ACTN3: variants seen among roughly 807,000 people sequenced by gnomAD.
The protein encoded by ACTN3 is alpha-actinin-3.
A neutral mutation model predicts 119.6 loss-of-function variants in ACTN3; 91 were observed. That is an observed-to-expected ratio of 0.76 (90% CI 0.64 to 0.91). ACTN3 has a LOEUF of 0.91. Ranked by LOEUF, ACTN3 falls within the 40% of genes least tolerant of loss-of-function variation. The pLI, the probability that ACTN3 is intolerant of heterozygous loss-of-function variation, is 0.00. For synonymous variants in ACTN3, 456 were observed against 478.8 expected, an observed-to-expected ratio of 0.95 and a Z score of 0.62; for missense variants, 1,221 against 1,215.1, an observed-to-expected ratio of 1.00 and a Z score of -0.07.
Position 66,546,906 on chromosome 11 carries a change from C to T in ACTN3, c.-32C>T. The T allele has an allele frequency of 2.0e-6, 3 of 1,525,494 alleles. No individual in the cohort carries two copies. Among genetic ancestry groups the T allele is most frequent in the African/African-American group, 1.4e-5 (1 of 72,280 alleles). 94.5% of individuals were successfully genotyped at this position (1,525,494 alleles called of 1,614,324 possible). A position where few individuals can be genotyped will look rare whatever the true frequency, so the allele number is the denominator to read the frequency against. ...TGGGGCCCGGGTGTCCGAGAGCGTGCCGAGCGGAGCGAAGCCAGGAGCCCG... is the reference window on the plus strand; with the variant it reads ...TGGGGCCCGGGTGTCCGAGAGCGTGTCGAGCGGAGCGAAGCCAGGAGCCCG... On this transcript the variant is annotated 5_prime_UTR_variant, in exon 1 of 21. Transcript: ENST00000513398.
intron 3 of ACTN3, 116 bp downstream of exon 3, chr11:66,551,763 C>T (rs576005070): frequency 4.2e-6 from 6 of 1,445,164 alleles, no homozygotes; most frequent in East Asian, 5.0e-5. Flanking sequence ...ATCCCTGCCT[C>T]GCAAGAGAGC....
At position 66,561,239 on chromosome 11, in the gene ACTN3, G is replaced by A. The variant is rs111569964; in HGVS notation, c.1873G>A (p.Val625Met). The change falls in exon 16 of 21, where the codon GTG (valine) becomes ATG (methionine). Residue 625 changes from valine to methionine, a missense_variant. Physicochemically the swap from Val to Met is conservative, Grantham distance 21. Transcript: ENST00000513398. ...NTKWDMVRKL[V>M]PSCDQTLQEE... is the part of the protein sequence containing the mutation. ...GCCCTCCTCCCAGGTCCGAAAGCTG[G>A]TGCCCAGCTGTGACCAGACACTGCA... is the stretch of plus-strand genomic sequence containing the variant. 3 of 1,576,318 alleles carry A rather than the reference G, an allele frequency of 1.9e-6. No individual in the cohort carries two copies. The highest frequency in any genetic ancestry group is 3.7e-5 in the Admixed American group (2 of 54,352).
At chr11:66,548,190 C>G (rs544021) in intron 1 of ACTN3, among the ~76,000 whole-genome samples, 70,821 of 151,922 alleles carry the variant, frequency 0.47, 17,209 homozygotes, top group African/African-American at 0.59. Flanking sequence ...CCCCAAGGGC[C>G]GAGAGGCTCC....
At position 66,562,291 on chromosome 11, in the gene ACTN3, G is replaced by A. The variant is rs114618009; in HGVS notation, c.2357G>A (p.Arg786Gln). 1,981 of 1,613,374 alleles carry A rather than the reference G, an allele frequency of 1.2e-3. 24 individuals carry two copies. In the African/African-American group the frequency reaches 0.023, roughly 19 times the overall value. The stretch of plus-strand genomic sequence containing the variant: ...GGGATGATGGAGCCTGATGACTTCC[G>A]AGCTTGCCTCATCTCCATGGGCTAT... The part of the protein sequence containing the change: ...QNGMMEPDDF[R>Q]ACLISMGYDL... Residue 786 changes from arginine to glutamine, a missense_variant, in exon 19 of 21, where the codon CGA becomes CAA. Physicochemically the swap from Arg to Gln is conservative, Grantham distance 43. Coordinates refer to ENST00000513398, the MANE Select transcript of ACTN3 (RefSeq NM_001104.4).
chr11:66,558,441 C>T (rs1450912308), intron 11 of ACTN3, among the ~76,000 whole-genome samples: 1 of 152,164 alleles, frequency 6.6e-6, no homozygotes, highest in African/African-American at 2.4e-5. Context: ...AATCTCGGCT[C>T]ACTACAATCT....
intron 7 of ACTN3, 40 bp from the exon 8 acceptor site, chr11:66,556,105 C>T (rs1565305970): frequency 6.4e-7 from 1 of 1,571,440 alleles, no homozygotes; most frequent in East Asian, 2.3e-5. Context: ...GGGAGGGACC[C>T]CTGGCTTTGG....
rs758304800 is a variant in ACTN3, at chr11:66,551,318, G to A, written c.227G>A (p.Gly76Asp). The change falls in exon 2 of 21, where the codon GGC becomes GAC. Residue 76 changes from glycine to aspartate, a missense_variant. By Grantham distance (94) the Gly-to-Asp change is moderately conservative. Around this residue, in one of 3 missense-constraint regions of ACTN3, gnomAD observed 239 missense variants for 231.8 expected, o/e 1.03. Coordinates refer to ENST00000513398, the MANE Select transcript of ACTN3 (RefSeq NM_001104.4). Reference sequence around the variant, plus strand: ...AACATCGAGGAAGATTTCCGCAATGGCCTCAAACTCATGCTGCTCCTGGAG... The same window carrying A: ...AACATCGAGGAAGATTTCCGCAATGACCTCAAACTCATGCTGCTCCTGGAG... ...IENIEEDFRN[G>D]LKLMLLLEVI... 6.2e-7 allele frequency: 1 copy of A among 1,611,084 alleles called. No individual in the cohort carries two copies. The highest frequency in any genetic ancestry group is 8.5e-7 in the Non-Finnish European group (1 of 1,178,654).
At chr11:66,551,175 C>A in intron 1 of ACTN3, 64 bp from the exon 2 acceptor site, 1 of 1,199,812 alleles carries the variant, frequency 8.3e-7, no homozygotes, top group Non-Finnish European at 1.2e-6. Context: ...ACTGAGGAGA[C>A]AGGACTGTGC....
At chr11:66,552,502 A>C (rs2134921662) in intron 3 of ACTN3, among the ~76,000 whole-genome samples, 1 of 152,350 alleles carries the variant, frequency 6.6e-6, no homozygotes, top group South Asian at 2.1e-4. Context: ...GCTACTTGGC[A>C]GACTGAAGCG....
Position 66,560,738 on chromosome 11 carries a change from A to C in ACTN3, c.1843A>C (p.Asn615His), listed in dbSNP as rs1857738477. Reference sequence around the variant, plus strand: ...CATCACCCTCAGCCCGCAGGACATCAACACCAAGTGGGATATGGTCAGTGC... The same window carrying C: ...CATCACCCTCAGCCCGCAGGACATCCACACCAAGTGGGATATGGTCAGTGC... ...PYITLSPQDI[N>H]TKWDMVRKLV... The change falls in exon 15 of 21, where the codon AAC (asparagine) becomes CAC (histidine). Residue 615 changes from asparagine to histidine, a missense_variant. This residue lies in a region of ACTN3 where 934 missense variants were observed against 899.9 expected (regional missense o/e 1.04). Coordinates refer to ENST00000513398, the MANE Select transcript of ACTN3 (RefSeq NM_001104.4). The C allele has an allele frequency of 6.2e-7, 1 of 1,612,380 alleles. No homozygotes were observed.
At chr11:66,562,434 C>A in intron 19 of ACTN3, 112 bp downstream of exon 19, 2 of 1,241,726 alleles carry the variant, frequency 1.6e-6, no homozygotes, top group Non-Finnish European at 2.3e-6. Flanking sequence ...ATCTTCACTA[C>A]ATCCACACAG....
chr11:66,559,889 G>A, intron 12 of ACTN3, 79 bp from the exon 13 acceptor site: 1 of 1,398,958 alleles, frequency 7.1e-7, no homozygotes, highest in African/African-American at 1.4e-5. Flanking sequence ...CATCCGGGGA[G>A]CAGGTTCCAG....
chr11:66,562,317 G>A lies in ACTN3; in HGVS notation c.2383G>A (p.Asp795Asn), dbSNP rs775163785. Reference sequence around the variant, plus strand: ...AGCTTGCCTCATCTCCATGGGCTATGACCTGGTGAGAGCTCCCCAGCTCCT... The same window carrying A: ...AGCTTGCCTCATCTCCATGGGCTATAACCTGGTGAGAGCTCCCCAGCTCCT... ...FRACLISMGY[D>N]LGEVEFARIM... The change falls in exon 19 of 21, where the codon GAC becomes AAC. Residue 795 changes from aspartate (D) to asparagine (N), a missense_variant. Around this residue, in one of 3 missense-constraint regions of ACTN3, gnomAD observed 934 missense variants for 899.9 expected, o/e 1.04. Transcript: ENST00000513398. 2 of 1,612,624 alleles carry A rather than the reference G, an allele frequency of 1.2e-6. No homozygotes were observed. Among genetic ancestry groups the A allele is most frequent in the Non-Finnish European group, 1.7e-6 (2 of 1,179,840 alleles).
rs751387391 is a variant in ACTN3, at chr11:66,546,961, G to A, written c.24G>A (p.Glu8=). The A allele has an allele frequency of 6.5e-7, 1 of 1,531,076 alleles. No homozygotes were observed. Among genetic ancestry groups the A allele is most frequent in the Non-Finnish European group, 8.7e-7 (1 of 1,143,226 alleles). The allele number at this position is 1,531,076 out of a possible 1,614,324, so 94.8% of individuals were successfully genotyped here. Residue 8 remains glutamate (E), a synonymous_variant, in exon 1 of 21, where the codon GAG becomes GAA. Transcript: ENST00000513398. The part of the protein sequence containing the change: MMMVMQP[E]GLGAGEGRFA... ...AGATGATGATGGTTATGCAGCCCGA[G>A]GGTCTGGGGGCCGGGGAGGGGCGCT...
Position 66,555,198 on chromosome 11 carries a change from A to G in ACTN3, c.626A>G (p.Lys209Arg). The G allele has an allele frequency of 6.2e-6, 10 of 1,613,756 alleles. No individual in the cohort carries two copies. Among genetic ancestry groups the G allele is most frequent in the Non-Finnish European group, 7.6e-6 (9 of 1,179,900 alleles). The change falls in exon 6 of 21, where the codon AAA (lysine) becomes AGA (arginine). Residue 209 changes from lysine (K) to arginine (R), a missense_variant. Lys to Arg is a conservative substitution (Grantham distance 26). Coordinates refer to ENST00000513398, the MANE Select transcript of ACTN3 (RefSeq NM_001104.4). ...CGCCCTGACCTCATCGACTACGCCA[A>G]ACTGCGAAAGGTAGAGGCCCCCACC... ...RHRPDLIDYA[K>R]LRKDDPIGNL...
intron 9 of ACTN3, 86 bp from the exon 10 acceptor site, chr11:66,557,613 A>T: frequency 7.0e-7 from 1 of 1,422,464 alleles, no homozygotes; most frequent in Non-Finnish European, 9.6e-7. Context: ...CACTCTGGCC[A>T]CAGCCTGGGT....
Position 66,554,131 on chromosome 11 carries a change from G to T in ACTN3, c.469G>T (p.Glu157Ter). ...RFAIQDISVE[E>*]TSAKEGLLLW... ...CGCCATCCAGGACATCTCTGTGGAA[G>T]GTGAGCAATGGGAAAGGAGGTTGGG... The change falls in exon 4 of 21, where the codon GAA becomes TAA. Residue 157 changes from glutamate (E) to a stop codon, truncating the protein, a stop_gained and splice_region_variant. Coordinates refer to ENST00000513398, the MANE Select transcript of ACTN3 (RefSeq NM_001104.4). LOFTEE classifies it high-confidence loss of function. The T allele has an allele frequency of 1.2e-6, 2 of 1,613,750 alleles. No homozygotes were observed. The highest frequency in any genetic ancestry group is 1.7e-6 in the Non-Finnish European group (2 of 1,179,810).
intron 5 of ACTN3, 56 bp downstream of exon 5, chr11:66,554,679 G>A (rs889313620): frequency 4.4e-5 from 64 of 1,451,180 alleles, no homozygotes; most frequent in Non-Finnish European, 5.6e-5. Flanking sequence ...TGGGCATAGA[G>A]AGGAGCCCTC....
Position 66,551,662 on chromosome 11 carries a change from G to C in ACTN3, c.382+15G>C, listed in dbSNP as rs1308503813. ...TGGTGCTGAAGGTGAGGAGGTGGCAGGAAGGGTCTTGGGCAGGGCACAGGG... is the reference window on the plus strand; with the variant it reads ...TGGTGCTGAAGGTGAGGAGGTGGCACGAAGGGTCTTGGGCAGGGCACAGGG... On this transcript the variant is annotated intron_variant, in intron 3 of 20. Coordinates refer to ENST00000513398, the MANE Select transcript of ACTN3 (RefSeq NM_001104.4). 8.1e-6 allele frequency: 13 copies of C among 1,612,950 alleles called. No individual in the cohort carries two copies. Among genetic ancestry groups the C allele is most frequent in the Non-Finnish European group, 1.1e-5 (13 of 1,179,984 alleles).
Sources: gnomAD v4.1 joint callset for allele counts (sites outside exome capture counted in the v4.1 genomes callset) on GRCh38, gnomAD v4.1.1 for gene constraint, gnomAD v4.1.1 regional missense constraint, MANE v1.5 for transcripts, NCBI Gene and HGNC (gene_info 2026-07-23, HGNC 2026-07-21) for gene names.